The following ACOXL variants were observed in gnomAD, a reference collection of about 807,000 sequenced individuals.
ACOXL encodes acyl-CoA oxidase like, also known as acyl-coenzyme A oxidase-like protein.
In ACOXL, 70 loss-of-function variants were observed where a neutral mutation model predicts 71.9. The ratio of observed to expected loss-of-function variants is 0.97; its 90% confidence interval spans 0.80 to 1.19. The LOEUF (loss-of-function observed/expected upper bound fraction) is 1.19, where lower values mean the gene tolerates loss of function less well. ACOXL is among the 50% of genes most tolerant of loss of function. ACOXL has a pLI of 0.00. For synonymous variants in ACOXL, 253 were observed against 281.6 expected (o/e 0.90, Z 1.02); for missense variants, 703 against 736.3 (o/e 0.95, Z 0.52).
chr2:111,052,804 G>A lies in ACOXL; in HGVS notation c.1440+3516G>A, dbSNP rs141140823. Among the ~76,000 whole-genome samples the A allele has an allele frequency of 2.3e-3, 345 of 152,186 alleles. 2 individuals are homozygous for A. Among genetic ancestry groups the A allele is most frequent in the African/African-American group, 8.1e-3 (335 of 41,532 alleles). On this transcript the variant is annotated intron_variant, in intron 16 of 17. Coordinates refer to ENST00000439055, the MANE Select transcript of ACOXL (RefSeq NM_001142807.4). ...GACTCCAGGTGTCACCTGAGCTCACGTCCAAGCAAGCTCAGCAAGTCTAAA... is the reference window on the plus strand; with the variant it reads ...GACTCCAGGTGTCACCTGAGCTCACATCCAAGCAAGCTCAGCAAGTCTAAA...
At chr2:111,079,280 A>C (rs1321527474) in intron 16 of ACOXL, among the ~76,000 whole-genome samples, 2 of 152,118 alleles carry the variant, frequency 1.3e-5, no homozygotes, top group African/African-American at 4.8e-5. Flanking sequence ...CTGAGTCTCC[A>C]TTGACTGATT....
At chr2:111,107,482 G>A (rs539599230) in intron 17 of ACOXL, among the ~76,000 whole-genome samples, 2 of 152,080 alleles carry the variant, frequency 1.3e-5, no homozygotes, top group African/African-American at 2.4e-5. Context: ...TGGTTTTTTT[G>A]GTTTTTGTTG....
chr2:110,969,790 G>A (rs1482547357), intron 12 of ACOXL, among the ~76,000 whole-genome samples: 3 of 148,750 alleles, frequency 2.0e-5, no homozygotes, highest in Non-Finnish European at 4.5e-5. Flanking sequence ...CAGCCTGGGC[G>A]ACAGAGTGAG....
intron 14 of ACOXL, among the ~76,000 whole-genome samples, chr2:110,997,056 T>C (rs2063428199): frequency 6.6e-6 from 1 of 152,088 alleles, no homozygotes; most frequent in Admixed American, 6.5e-5. Flanking sequence ...ATATCAAACA[T>C]GGAGCCAGCC....
In ACOXL at chr2:111,096,988, C is replaced by A. The variant is rs1167358777; in HGVS notation, c.1542+4022C>A. Among the ~76,000 whole-genome samples the A allele has an allele frequency of 2.6e-5, 4 of 152,266 alleles. No individual in the cohort carries two copies. The East Asian group carries it at 7.7e-4, about 29-fold the overall frequency. Reference sequence around the variant, plus strand: ...TCAAATTTCTTGCTTAGTGCTGACCCTGATTTTTTACTATTATTACCTCCT... The same window carrying A: ...TCAAATTTCTTGCTTAGTGCTGACCATGATTTTTTACTATTATTACCTCCT... On this transcript the variant is annotated intron_variant, in intron 17 of 17. Transcript: ENST00000439055.
intron 1 of ACOXL, among the ~76,000 whole-genome samples, chr2:110,753,938 G>A (rs1193678068): frequency 6.6e-6 from 1 of 151,888 alleles, no homozygotes; most frequent in Non-Finnish European, 1.5e-5. Context: ...TTATTTCATT[G>A]TGGCTATAAT....
intron 14 of ACOXL, among the ~76,000 whole-genome samples, chr2:111,014,260 T>C (rs2064321012): frequency 6.6e-6 from 1 of 152,144 alleles, no homozygotes; most frequent in South Asian, 2.1e-4. Flanking sequence ...AATAGAAGAA[T>C]TTACCAAACT....
At chr2:110,958,546 T>C (rs1197293596) in intron 12 of ACOXL, among the ~76,000 whole-genome samples, 1 of 152,212 alleles carries the variant, frequency 6.6e-6, no homozygotes, top group Admixed American at 6.5e-5. Flanking sequence ...TTGTGAATCA[T>C]GTGTGATGTG....
intron 10 of ACOXL, among the ~76,000 whole-genome samples, chr2:110,889,828 T>A (rs1046201283): frequency 1.1e-4 from 16 of 152,210 alleles, no homozygotes; most frequent in African/African-American, 3.6e-4. Context: ...TTTCTCTACC[T>A]TGTAATGGAA....
At chr2:110,903,335 A>C (rs1340205971) in intron 10 of ACOXL, among the ~76,000 whole-genome samples, 1 of 152,262 alleles carries the variant, frequency 6.6e-6, no homozygotes, top group Non-Finnish European at 1.5e-5. Flanking sequence ...GCCGCGTTCA[A>C]AATTGAGTGG....
At chr2:110,915,326 T>C (rs1335609843) in intron 11 of ACOXL, among the ~76,000 whole-genome samples, 1 of 144,686 alleles carries the variant, frequency 6.9e-6, no homozygotes, top group African/African-American at 2.6e-5. Context: ...AATTTTTTGT[T>C]ATATGCATTT....
intron 11 of ACOXL, among the ~76,000 whole-genome samples, chr2:110,921,644 T>C (rs188174976): frequency 1.2e-4 from 18 of 152,056 alleles, no homozygotes; most frequent in East Asian, 1.9e-4. Flanking sequence ...CTGCCCGCCT[T>C]GGCCTCCCAA....
intron 9 of ACOXL, among the ~76,000 whole-genome samples, chr2:110,839,144 T>TC (rs2105731352): frequency 6.6e-6 from 1 of 152,068 alleles, no homozygotes; most frequent in African/African-American, 2.4e-5. Flanking sequence ...TTTTTTTTTT[T>TC]CTTCTTGTCC....
chr2:110,822,907 A>G (rs1186110386), intron 9 of ACOXL, among the ~76,000 whole-genome samples: 2 of 152,202 alleles, frequency 1.3e-5, no homozygotes, highest in African/African-American at 4.8e-5. Flanking sequence ...AAATAGCATC[A>G]TACAGCAGGT....
chr2:110,820,133 C>T (rs890232171), intron 9 of ACOXL, among the ~76,000 whole-genome samples: 3 of 152,136 alleles, frequency 2.0e-5, no homozygotes, highest in Admixed American at 2.0e-4. Flanking sequence ...GAGATCTGAA[C>T]CCAGGTCCAT....
At chr2:110,807,990 C>G (rs1053889452) in intron 9 of ACOXL, among the ~76,000 whole-genome samples, 11 of 152,188 alleles carry the variant, frequency 7.2e-5, no homozygotes, top group Non-Finnish European at 1.0e-4. Context: ...CTTTCATTTC[C>G]ATGGCATTCC....
At chr2:110,932,921 C>G (rs2149338845) in intron 11 of ACOXL, among the ~76,000 whole-genome samples, 1 of 152,306 alleles carries the variant, frequency 6.6e-6, no homozygotes, top group East Asian at 1.9e-4. Context: ...TTTTGACAGA[C>G]CCATGAAGAC....
chr2:110,942,644 G>C (rs186856341), intron 12 of ACOXL, among the ~76,000 whole-genome samples: 17 of 152,060 alleles, frequency 1.1e-4, no homozygotes, highest in African/African-American at 4.1e-4. Context: ...CCAGCACTTT[G>C]GGAGGCTGAG....
chr2:110,758,830 T>G (rs935282219), intron 1 of ACOXL, among the ~76,000 whole-genome samples: 3 of 152,212 alleles, frequency 2.0e-5, no homozygotes, highest in Non-Finnish European at 4.4e-5. Context: ...TAAAGTTCCC[T>G]CTTAACACTG....
Sources: allele counts gnomAD v4.1 joint callset (sites outside exome capture counted in the v4.1 genomes callset), GRCh38; gene constraint gnomAD v4.1.1; transcripts MANE v1.5; gene names NCBI Gene and HGNC (gene_info 2026-07-23, HGNC 2026-07-21).